CUZD1: variants seen among roughly 807,000 people sequenced by gnomAD.
The protein encoded by CUZD1 is CUB and zona pellucida like domains 1.
In CUZD1, 42 loss-of-function variants were observed where a neutral mutation model predicts 53.1. The ratio of observed to expected loss-of-function variants is 0.79; its 90% CI spans 0.62 to 1.02. The LOEUF is 1.02. Among genes scored for constraint, CUZD1 ranks in the 50% least tolerant of loss-of-function variants. CUZD1 has a pLI of 0.00. For missense variants in CUZD1, 670 were observed against 715.7 expected (o/e 0.94, Z 0.73); for synonymous variants, 238 against 257.2 (o/e 0.93, Z 0.71).
intron 7 of CUZD1, among the ~76,000 whole-genome samples, chr10:122,834,460 C>T (rs1360649493): frequency 6.6e-6 from 1 of 151,980 alleles, no homozygotes. Flanking sequence ...TTTGTTTCTA[C>T]CAGCAAATAT....
In CUZD1 at chr10:122,833,819, T is replaced by C. The variant is rs1468688865; in HGVS notation, c.1504A>G (p.Ile502Val). The change falls in exon 8 of 9, where the codon ATA becomes GTA. Residue 502 changes from isoleucine (I) to valine (V), a missense_variant. By Grantham distance (29) the Ile-to-Val change is conservative. Coordinates refer to ENST00000392790, the MANE Select transcript of CUZD1 (RefSeq NM_022034.6). The part of the protein sequence containing the change: ...SSVYLQCKVL[I>V]CDSSDHQSRC... ...GACTGGTGGTCACTGCTATCACATATCAAAACTTTACACTGCAGATACACA... is the reference window on the plus strand; with the variant it reads ...GACTGGTGGTCACTGCTATCACATACCAAAACTTTACACTGCAGATACACA... The C allele has an allele frequency of 6.2e-7, 1 of 1,613,984 alleles. No homozygotes were observed. The highest frequency in any genetic ancestry group is 2.2e-5 in the East Asian group (1 of 44,882).
chr10:122,834,542 T>C (rs1456445290), intron 7 of CUZD1, among the ~76,000 whole-genome samples, 164 bp downstream of exon 7: 3 of 152,228 alleles, frequency 2.0e-5, no homozygotes, highest in Non-Finnish European at 4.4e-5. Context: ...TTATTCATAA[T>C]TAGTACATAG....
In CUZD1 at chr10:122,834,689, G is replaced by A. The variant is rs781373762; in HGVS notation, c.1382+17C>T. The A allele has an allele frequency of 5.8e-6, 9 of 1,538,868 alleles. No homozygotes were observed. Among genetic ancestry groups the A allele is most frequent in the Non-Finnish European group, 7.9e-6 (9 of 1,142,452 alleles). The stretch of plus-strand genomic sequence containing the variant: ...AGGAAGGAATATCATACATACATCA[G>A]TTACATTAATACATACCCACTCTTG... On this transcript the variant is annotated intron_variant, in intron 7 of 8. Transcript: ENST00000392790.
chr10:122,833,712 G>A lies in CUZD1; in HGVS notation c.1611C>T (p.Pro537=). ...CACTTCGATCCCTTTTCAGACGAATGGGTCCTATGATGGAATCTGTTTTCC... is the reference window on the plus strand; with the variant it reads ...CACTTCGATCCCTTTTCAGACGAATAGGTCCTATGATGGAATCTGTTTTCC... ...YKWKTDSIIG[P]IRLKRDRSAS... is the part of the protein sequence containing the mutation. The change falls in exon 8 of 9, where the codon CCC becomes CCT. Residue 537 remains proline, a synonymous_variant. Transcript: ENST00000392790. 1.2e-6 allele frequency: 2 copies of A among 1,613,810 alleles called. No individual in the cohort carries two copies. The highest frequency in any genetic ancestry group is 2.2e-5 in the South Asian group (2 of 91,066).
intron 5 of CUZD1, 104 bp from the exon 6 acceptor site, chr10:122,836,454 C>A: frequency 1.0e-6 from 1 of 1,001,210 alleles, no homozygotes; most frequent in South Asian, 1.9e-5. Flanking sequence ...AAAGTCAAAA[C>A]CATTTTGCCC....
chr10:122,833,684 T>A lies in CUZD1; in HGVS notation c.1639A>T (p.Ser547Cys), dbSNP rs1293129294. The A allele has an allele frequency of 1.2e-6, 2 of 1,613,102 alleles. No homozygotes were observed. Among genetic ancestry groups the A allele is most frequent in the African/African-American group, 2.7e-5 (2 of 74,908 alleles). ...GCTTTTTTCTTACCTGAATTGCCAC[T>A]TGCACTTCGATCCCTTTTCAGACGA... ...PIRLKRDRSASGNSGFQHETH... is the reference protein window; with the variant it reads ...PIRLKRDRSACGNSGFQHETH... The change falls in exon 8 of 9, where the codon AGT becomes TGT. Residue 547 changes from serine to cysteine, a missense_variant. Transcript: ENST00000392790.
chr10:122,833,218 A>C (rs1847187088), intron 8 of CUZD1, among the ~76,000 whole-genome samples: 1 of 152,120 alleles, frequency 6.6e-6, no homozygotes, highest in Non-Finnish European at 1.5e-5. Context: ...CAAAAGAAGC[A>C]GGGTTAGCCT....
At chr10:122,843,760 G>A (rs894798620) in intron 1 of CUZD1, among the ~76,000 whole-genome samples, 105 of 149,632 alleles carry the variant, frequency 7.0e-4, no homozygotes, top group African/African-American at 2.5e-3. Flanking sequence ...AGGAGAAATG[G>A]AGAGTGAATG....
At chr10:122,839,613 A>G (rs537468650) in intron 2 of CUZD1, among the ~76,000 whole-genome samples, 2 of 152,312 alleles carry the variant, frequency 1.3e-5, no homozygotes, top group East Asian at 3.9e-4. Flanking sequence ...TTGAAAGGTG[A>G]AGCAACTCTT....
chr10:122,841,374 T>TC (rs752572006), intron 1 of CUZD1, 46 bp from the exon 2 acceptor site: 22 of 1,537,286 alleles, frequency 1.4e-5, no homozygotes, highest in Non-Finnish European at 1.7e-5. Flanking sequence ...ACAGGCCCTT[T>TC]CCCCTCCCTG....
At chr10:122,835,320 A>C (rs982726728) in intron 6 of CUZD1, among the ~76,000 whole-genome samples, 1 of 152,214 alleles carries the variant, frequency 6.6e-6, no homozygotes, top group Non-Finnish European at 1.5e-5. Flanking sequence ...AGACCTGAAG[A>C]TAGAATCAGA....
At chr10:122,837,691 G>T in intron 3 of CUZD1, 137 bp from the exon 4 acceptor site, 1 of 815,688 alleles carries the variant, frequency 1.2e-6, no homozygotes, top group Non-Finnish European at 1.8e-6. Flanking sequence ...CACATATTGA[G>T]GTTTTCATCC....
intron 5 of CUZD1, 73 bp from the exon 6 acceptor site, chr10:122,836,423 C>G: frequency 7.8e-7 from 1 of 1,276,852 alleles, no homozygotes; most frequent in Non-Finnish European, 1.1e-6. Flanking sequence ...TGAAGAGCTA[C>G]GTGTGCAAGT....
At chr10:122,845,280 T>C (rs1589665004) in intron 1 of CUZD1, among the ~76,000 whole-genome samples, 1 of 152,272 alleles carries the variant, frequency 6.6e-6, no homozygotes, top group South Asian at 2.1e-4. Flanking sequence ...TTTCACCATG[T>C]TGGCCAGGCT....
At chr10:122,833,617 C>A in intron 8 of CUZD1, 55 bp downstream of exon 8, 1 of 1,561,746 alleles carries the variant, frequency 6.4e-7, no homozygotes, top group South Asian at 1.2e-5. Context: ...TGGATTTGAG[C>A]AGCATTTTAT....
rs749463348 is a variant in CUZD1, at chr10:122,845,756, T to G, written c.82+6A>C. The G allele has an allele frequency of 6.2e-7, 1 of 1,612,708 alleles. No individual in the cohort carries two copies. Among genetic ancestry groups the G allele is most frequent in the African/African-American group, 1.3e-5 (1 of 74,898 alleles). On this transcript the variant is annotated splice_donor_region_variant and intron_variant, in intron 1 of 8. Transcript: ENST00000392790. ...TTGGTGAATAAATCTGGTTCAATTT[T>G]CTTACCTTCAGCCTCCGCCATTGTC...
At chr10:122,841,373 T>C in intron 1 of CUZD1, 45 bp from the exon 2 acceptor site, 2 of 1,538,636 alleles carry the variant, frequency 1.3e-6, no homozygotes, top group Non-Finnish European at 1.7e-6. Flanking sequence ...AACAGGCCCT[T>C]TCCCCTCCCT....
chr10:122,837,066 C>G lies in CUZD1; in HGVS notation c.600-18G>C, dbSNP rs767161746. On this transcript the variant is annotated intron_variant, in intron 4 of 8. Coordinates refer to ENST00000392790, the MANE Select transcript of CUZD1 (RefSeq NM_022034.6). The stretch of plus-strand genomic sequence containing the variant: ...TTTCTAGGCTAGAGAATGAGGGCCT[C>G]TGGTGAAAAAGAGTTTCAAACCAAT... 7.1e-6 allele frequency: 11 copies of G among 1,542,990 alleles called. No homozygotes were observed. The highest frequency in any genetic ancestry group is 1.7e-4 in the Middle Eastern group (1 of 5,920).
intron 2 of CUZD1, among the ~76,000 whole-genome samples, chr10:122,840,596 G>A (rs543357258): frequency 2.1e-4 from 32 of 152,256 alleles, no homozygotes; most frequent in South Asian, 6.2e-4. Flanking sequence ...AACACTGAGC[G>A]TCTCTGCAGG....
Sources: allele counts gnomAD v4.1 joint callset (sites outside exome capture counted in the v4.1 genomes callset), GRCh38; gene constraint gnomAD v4.1.1; transcripts MANE v1.5; gene names NCBI Gene and HGNC (gene_info 2026-07-23, HGNC 2026-07-21).